Variants in KIRREL3 observed in about 807,000 individuals in gnomAD.
KIRREL3 encodes the protein kirre like nephrin family adhesion molecule 3, also known as kin of IRRE-like protein 3.
Under a neutral mutation model 89.7 loss-of-function variants are expected in KIRREL3, and 36 were observed. The observed-to-expected ratio is 0.40, with a 90% confidence interval of 0.31 to 0.53. The LOEUF (loss-of-function observed/expected upper bound fraction) is 0.53. KIRREL3 is among the 20% of genes least tolerant of loss of function. The pLI, the probability that KIRREL3 is intolerant of heterozygous loss-of-function variation, is 0.49. For synonymous variants in KIRREL3, 445 were observed against 441.4 expected (o/e 1.01, Z -0.10); for missense variants, 864 against 1,056.6 (o/e 0.82, Z 2.53).
In KIRREL3 at chr11:126,636,868, A is replaced by G. The variant is rs1008800311; in HGVS notation, c.56-73956T>C. ...TAGGCAAGGCACTTAATGCCATTGC[A>G]TGCCATTGTCACATCAATACAATGA... On this transcript the variant is annotated intron_variant, in intron 1 of 16. Transcript: ENST00000525144. This position sits in a 1 kb window ranked among gnomAD's most constrained non-coding sequence, Gnocchi z 4.4. 5.3e-5 allele frequency among the ~76,000 whole-genome samples: 8 copies of G among 152,236 alleles called. No individual in the cohort carries two copies. Among genetic ancestry groups the G allele is most frequent in the Non-Finnish European group, 1.0e-4 (7 of 68,044 alleles).
Position 126,521,588 on chromosome 11 carries a change from C to A in KIRREL3, c.284-124G>T. 1 of 821,598 alleles carries A rather than the reference C, an allele frequency of 1.2e-6. No individual in the cohort carries two copies. Among genetic ancestry groups the A allele is most frequent in the Non-Finnish European group, 1.9e-6 (1 of 527,042 alleles). The allele number at this position is 821,598 out of a possible 1,614,324, so 50.9% of individuals were successfully genotyped here. A position where few individuals can be genotyped will look rare whatever the true frequency, so the allele number is the denominator to read the frequency against. On this transcript the variant is annotated intron_variant, in intron 3 of 16. Transcript: ENST00000525144. The surrounding 1 kb of genome is among the most constrained non-coding windows in gnomAD (Gnocchi z 4.1). ...ACAAGGCTGGCAGAGCGGGTGATTGCTCAGGGCTCTGATCTCAGTGCAAGG... is the reference window on the plus strand; with the variant it reads ...ACAAGGCTGGCAGAGCGGGTGATTGATCAGGGCTCTGATCTCAGTGCAAGG...
chr11:126,804,726 C>T (rs924818067), intron 1 of KIRREL3, among the ~76,000 whole-genome samples: 8 of 152,084 alleles, frequency 5.3e-5, no homozygotes, highest in Non-Finnish European at 1.2e-4. Context: ...CATGAGTGTT[C>T]GTAGGCTGAA....
In KIRREL3 at chr11:126,778,281, T is replaced by C. The variant is rs1362505841; in HGVS notation, c.56-215369A>G. The stretch of plus-strand genomic sequence containing the variant: ...TCTTGCTTCTTCACTTAAAAATATT[T>C]TGGAAACTAGTGCAAGAGGAGGCCA... On this transcript the variant is annotated intron_variant, in intron 1 of 16. Transcript: ENST00000525144. This position sits in a 1 kb window ranked among gnomAD's most constrained non-coding sequence, Gnocchi z 4.5. Among the ~76,000 whole-genome samples the C allele has an allele frequency of 3.3e-5, 5 of 152,208 alleles. No homozygotes were observed. Among genetic ancestry groups the C allele is most frequent in the African/African-American group, 4.8e-5 (2 of 41,466 alleles).
At chr11:126,644,450 G>A (rs899677674) in intron 1 of KIRREL3, among the ~76,000 whole-genome samples, 1 of 152,234 alleles carries the variant, frequency 6.6e-6, no homozygotes, top group African/African-American at 2.4e-5. Context: ...TTTGAGTCGT[G>A]CATTTCAAGA....
At position 126,486,599 on chromosome 11, in the gene KIRREL3, T is replaced by C. The variant is rs1438676646; in HGVS notation, c.434-13133A>G. ...CAGCTGGGTTGGTGGGAAAAGCCCA[T>C]CATGGTGGCTGCCGTGGACTTGTAT... On this transcript the variant is annotated intron_variant, in intron 4 of 16. Transcript: ENST00000525144. This position sits in a 1 kb window ranked among gnomAD's most constrained non-coding sequence, Gnocchi z 6.2. Among the ~76,000 whole-genome samples, 3 of 152,192 alleles carry C rather than the reference T, an allele frequency of 2.0e-5. No individual in the cohort carries two copies. Among genetic ancestry groups the C allele is most frequent in the African/African-American group, 7.2e-5 (3 of 41,444 alleles).
intron 1 of KIRREL3, among the ~76,000 whole-genome samples, chr11:126,767,732 C>A (rs914051064): frequency 1.3e-5 from 2 of 152,132 alleles, no homozygotes; most frequent in Non-Finnish European, 2.9e-5. Flanking sequence ...GTATGTTCAG[C>A]CTGATGCTAG....
Position 126,757,194 on chromosome 11 carries a change from G to A in KIRREL3, c.56-194282C>T, listed in dbSNP as rs565784819. 1.6e-4 allele frequency among the ~76,000 whole-genome samples: 25 copies of A among 152,116 alleles called. No homozygotes were observed. In the South Asian group the frequency reaches 1.9e-3, roughly 11 times the overall value. On this transcript the variant is annotated intron_variant, in intron 1 of 16. Transcript: ENST00000525144. ...ACAACATAAACAATCACTTCTGTTA[G>A]GGAGGAAAATTAAAAGCTGTGCTAC...
rs527326935 is a variant in KIRREL3 at position 126,490,856 on chromosome 11, G to A, written c.434-17390C>T. On this transcript the variant is annotated intron_variant, in intron 4 of 16. Transcript: ENST00000525144. This position sits in a 1 kb window ranked among gnomAD's most constrained non-coding sequence, Gnocchi z 4.2. ...AGCATTTGGAGTCAAATAGGAAGAC[G>A]CCACTGCTTCCTTCTGGAGTGCAAG... Among the ~76,000 whole-genome samples the A allele has an allele frequency of 5.3e-5, 8 of 152,164 alleles. No individual in the cohort carries two copies. In the South Asian group the frequency reaches 8.3e-4, roughly 16 times the overall value.
chr11:126,789,662 T>G (rs746600952), intron 1 of KIRREL3, among the ~76,000 whole-genome samples: 1 of 152,130 alleles, frequency 6.6e-6, no homozygotes, highest in African/African-American at 2.4e-5. Context: ...CTCCCCGGAG[T>G]TGTAGGAAGC....
chr11:126,918,676 C>T lies in KIRREL3; in HGVS notation c.55+81779G>A, dbSNP rs1329583489. Among the ~76,000 whole-genome samples the T allele has an allele frequency of 1.3e-5, 2 of 152,338 alleles. No homozygotes were observed. Among genetic ancestry groups the T allele is most frequent in the East Asian group, 3.9e-4 (2 of 5,184 alleles). ...AAATACATAGAAAGGCTATTCCATT[C>T]TTCATCTCTGTGACATGGCAGACAT... On this transcript the variant is annotated intron_variant, in intron 1 of 16. Coordinates refer to ENST00000525144, the MANE Select transcript of KIRREL3 (RefSeq NM_032531.4). This position sits in a 1 kb window ranked among gnomAD's most constrained non-coding sequence, Gnocchi z 6.5.
At chr11:126,923,310 CTCCTTCT>C (rs1280603276) in intron 1 of KIRREL3, among the ~76,000 whole-genome samples, 1 of 135,944 alleles carries the variant, frequency 7.4e-6, no homozygotes, top group African/African-American at 2.9e-5. Flanking sequence ...CCTTCTCCTT[CTCCTTCT>C]TCCTTCTTCT....
chr11:126,925,943 C>A (rs968791150), intron 1 of KIRREL3, among the ~76,000 whole-genome samples: 6 of 152,246 alleles, frequency 3.9e-5, no homozygotes, highest in Non-Finnish European at 8.8e-5. Context: ...GGATCTGAGA[C>A]ATCTGTGTCC....
intron 4 of KIRREL3, among the ~76,000 whole-genome samples, chr11:126,487,310 G>C (rs1418083603): frequency 6.6e-6 from 1 of 152,154 alleles, no homozygotes; most frequent in Non-Finnish European, 1.5e-5. Context: ...AAAGACACAG[G>C]GCGGGGCGTG....
In KIRREL3 at chr11:126,474,797, C is replaced by A. The variant is rs1374837417; in HGVS notation, c.434-1331G>T. On this transcript the variant is annotated intron_variant, in intron 4 of 16. Coordinates refer to ENST00000525144, the MANE Select transcript of KIRREL3 (RefSeq NM_032531.4). The surrounding 1 kb of genome is among the most constrained non-coding windows in gnomAD (Gnocchi z 6.7). ...GGTCACCCTTTGATTCCGATGAGGA[C>A]CATGGGCTGAAGGATGGTGGATGAT... 6.6e-6 allele frequency among the ~76,000 whole-genome samples: 1 copy of A among 152,200 alleles called. No individual in the cohort carries two copies. Among genetic ancestry groups the A allele is most frequent in the African/African-American group, 2.4e-5 (1 of 41,448 alleles).
In KIRREL3 at chr11:126,424,637, C is replaced by T. The variant is rs370722955; in HGVS notation, c.2280G>A (p.Ser760=). ...GTCGACTGGGGTCAGAGTTCTGGGA[C>T]GAGGACTGGGAGTGGTGGGAGGAGG... is the stretch of plus-strand genomic sequence containing the variant. The part of the protein sequence containing the change: ...SASSSHHSQS[S]SQNSDPSRPL... The change falls in exon 17 of 17, where the codon TCG becomes TCA. Residue 760 remains serine, a synonymous_variant. Transcript: ENST00000525144. 37 of 1,614,006 alleles carry T rather than the reference C, an allele frequency of 2.3e-5. 1 individual carries two copies. In the Admixed American group the frequency reaches 2.5e-4, roughly 11 times the overall value.
chr11:126,789,123 C>G (rs1950564882), intron 1 of KIRREL3, among the ~76,000 whole-genome samples: 1 of 152,206 alleles, frequency 6.6e-6, no homozygotes, highest in African/African-American at 2.4e-5. Flanking sequence ...GCATGGACTA[C>G]TCTTCATCAC....
intron 1 of KIRREL3, among the ~76,000 whole-genome samples, chr11:126,895,663 C>A (rs1200902956): frequency 6.6e-6 from 1 of 152,070 alleles, no homozygotes; most frequent in Non-Finnish European, 1.5e-5. Context: ...GCAAGGGTAA[C>A]CAGACAGGGT....
rs147258787 is a variant in KIRREL3 at position 126,996,454 on chromosome 11, G to A, written c.55+4001C>T. On this transcript the variant is annotated intron_variant, in intron 1 of 16. Coordinates refer to ENST00000525144, the MANE Select transcript of KIRREL3 (RefSeq NM_032531.4). This position sits in a 1 kb window ranked among gnomAD's most constrained non-coding sequence, Gnocchi z 4.7. Reference sequence around the variant, plus strand: ...CTCTGATGTGTTCAGGCTCTCTTCCGATGCCTCCCCAACCCTGCCCCTCCC... The same window carrying A: ...CTCTGATGTGTTCAGGCTCTCTTCCAATGCCTCCCCAACCCTGCCCCTCCC... 1.5e-3 allele frequency among the ~76,000 whole-genome samples: 229 copies of A among 152,062 alleles called. 1 individual carries two copies. Among genetic ancestry groups the A allele is most frequent in the Non-Finnish European group, 2.7e-3 (181 of 67,982 alleles).
In KIRREL3 at chr11:126,843,473, A is replaced by G. The variant is rs1453102785; in HGVS notation, c.55+156982T>C. On this transcript the variant is annotated intron_variant, in intron 1 of 16. Transcript: ENST00000525144. The surrounding 1 kb of genome is among the most constrained non-coding windows in gnomAD (Gnocchi z 4.6). ...CTCCATTCCCAAAGTCCTGCTTTCA[A>G]TTGTGATCTGCCCAGTCTCGTCCCA... 2.6e-5 allele frequency among the ~76,000 whole-genome samples: 4 copies of G among 152,096 alleles called. No homozygotes were observed. Among genetic ancestry groups the G allele is most frequent in the African/African-American group, 2.4e-5 (1 of 41,400 alleles).
Sources: gnomAD v4.1 joint callset for allele counts (sites outside exome capture counted in the v4.1 genomes callset) on GRCh38, gnomAD v4.1.1 for gene constraint, Gnocchi (gnomAD v3.1) non-coding constraint, MANE v1.5 for transcripts, NCBI Gene and HGNC (gene_info 2026-07-23, HGNC 2026-07-21) for gene names.